Variants in ZNF483 observed in about 807,000 individuals in gnomAD.
ZNF483 encodes the protein zinc finger protein HIT-10.
Under a neutral mutation model 28.6 loss-of-function variants are expected in ZNF483, and 9 were observed. The ratio of observed to expected loss-of-function variants is 0.32; its 90% CI spans 0.19 to 0.55. The LOEUF (loss-of-function observed/expected upper bound fraction) is 0.55, where lower values mean the gene tolerates loss of function less well. Among genes scored for constraint, ZNF483 ranks in the 20% least tolerant of loss-of-function variants. The pLI is 0.93. For missense variants in ZNF483, 675 were observed against 871.7 expected, an observed-to-expected ratio of 0.77 and a Z score of 2.84; for synonymous variants, 322 against 306.2, an observed-to-expected ratio of 1.05 and a Z score of -0.54.
rs1405642520 is a variant in ZNF483, at chr9:111,552,221, A to T, written c.*9051A>T. Among the ~76,000 whole-genome samples the T allele has an allele frequency of 6.6e-6, 1 of 152,226 alleles. No individual in the cohort carries two copies. The highest frequency in any genetic ancestry group is 1.5e-5 in the Non-Finnish European group (1 of 68,034). ...GGATTTTCTAGTACAGGAAATCCTTATAAAATTCTTTTGTAAGTCATCCAG... is the reference window on the plus strand; with the variant it reads ...GGATTTTCTAGTACAGGAAATCCTTTTAAAATTCTTTTGTAAGTCATCCAG... On this transcript the variant is annotated 3_prime_UTR_variant, in exon 6 of 6. Transcript: ENST00000309235.
At chr9:111,538,493 G>GAA (rs11463840) in intron 5 of ZNF483, among the ~76,000 whole-genome samples, 124 of 140,888 alleles carry the variant, frequency 8.8e-4, no homozygotes, top group South Asian at 1.6e-3. Flanking sequence ...CCATCTCTTA[G>GAA]AAAAAAAAAA....
intron 5 of ZNF483, among the ~76,000 whole-genome samples, chr9:111,567,464 T>C (rs1261852768): frequency 3.3e-5 from 5 of 152,128 alleles, no homozygotes; most frequent in Admixed American, 6.5e-5. Flanking sequence ...GGATTACAAG[T>C]GTGAACCACC....
At chr9:111,568,853 G>A (rs990237708) in intron 5 of ZNF483, among the ~76,000 whole-genome samples, 10 of 152,198 alleles carry the variant, frequency 6.6e-5, no homozygotes, top group African/African-American at 2.4e-4. Context: ...CAGGCTAGAA[G>A]GCATGGTGCC....
In ZNF483 at chr9:111,563,537, G is replaced by A. The variant is rs151040007; in HGVS notation, c.722-12828G>A. On this transcript the variant is annotated intron_variant, in intron 5 of 5. Transcript: ENST00000358151. ...TTTTTTTTTTTTGAGACAGAGTCTC[G>A]CTCTGTTGCCCAGGCTGGAGTGCAG... is the stretch of plus-strand genomic sequence containing the variant. 362 of 184,262 alleles carry A rather than the reference G, an allele frequency of 2.0e-3. 2 individuals are homozygous for A. The highest frequency in any genetic ancestry group is 8.6e-3 in the African/African-American group (354 of 41,140). The allele number at this position is 184,262 out of a possible 1,614,324, so 11.4% of individuals were successfully genotyped here.
chr9:111,525,542 G>T (rs1827165473), intron 1 of ZNF483, among the ~76,000 whole-genome samples: 1 of 152,208 alleles, frequency 6.6e-6, no homozygotes, highest in Admixed American at 6.5e-5. Flanking sequence ...CGTTGTGGCA[G>T]GATGTTTAAC....
chr9:111,526,061 C>A (rs76331455), intron 1 of ZNF483, among the ~76,000 whole-genome samples: 6,603 of 152,106 alleles, frequency 0.043, 194 homozygotes, highest in Non-Finnish European at 0.066. Flanking sequence ...GTAGTTGCTC[C>A]GTCACTTATA....
chr9:111,541,555 A>C (rs1827670289), intron 5 of ZNF483, 102 bp from the exon 6 acceptor site: 6 of 898,948 alleles, frequency 6.7e-6, no homozygotes, highest in Non-Finnish European at 9.6e-6. Context: ...AACCATCGAA[A>C]CTATATTCCT....
At chr9:111,528,972 C>A (rs1368026285) in intron 2 of ZNF483, among the ~76,000 whole-genome samples, 1 of 152,012 alleles carries the variant, frequency 6.6e-6, no homozygotes, top group Non-Finnish European at 1.5e-5. Flanking sequence ...ATGGAGAAAC[C>A]CCGTCTCTAC....
rs746874289 is a variant in ZNF483, at chr9:111,534,214, TTACTC to T, written c.629-44_629-40del. The T allele has an allele frequency of 1.8e-5, 27 of 1,505,428 alleles. No individual in the cohort carries two copies. In the African/African-American group the frequency reaches 2.5e-4, roughly 14 times the overall value. The allele number at this position is 1,505,428 out of a possible 1,614,324, so 93.3% of individuals were successfully genotyped here. On this transcript the variant is annotated intron_variant, in intron 4 of 5. Coordinates refer to ENST00000309235, the MANE Select transcript of ZNF483 (RefSeq NM_133464.5). ...GCTATATGTGAATGCTGGGATATCT[TTACTC>T]TATGCAAAACAGCAATTTTCTGTTC...
At chr9:111,529,217 C>T (rs1336770655) in intron 2 of ZNF483, among the ~76,000 whole-genome samples, 5 of 151,844 alleles carry the variant, frequency 3.3e-5, no homozygotes, top group Admixed American at 1.3e-4. Flanking sequence ...TCTTTGATTA[C>T]GTAATTCTAA....
downstream of ZNF483, among the ~76,000 whole-genome samples, chr9:111,560,276 C>G (rs1354314486): frequency 6.6e-6 from 1 of 151,580 alleles, no homozygotes; most frequent in South Asian, 2.1e-4. Context: ...GTCAGGAGAT[C>G]GAGACCATCC....
chr9:111,540,936 G>T (rs919382155), intron 5 of ZNF483, among the ~76,000 whole-genome samples: 9 of 152,120 alleles, frequency 5.9e-5, no homozygotes, highest in Non-Finnish European at 8.8e-5. Context: ...TACTCCATAG[G>T]GTTGTTGTGA....
chr9:111,571,525 C>T (rs1828820285), intron 5 of ZNF483, among the ~76,000 whole-genome samples: 1 of 138,974 alleles, frequency 7.2e-6, no homozygotes, highest in African/African-American at 2.5e-5. Context: ...TTTCCCCAGG[C>T]TGGAGTAAAG....
intron 5 of ZNF483, among the ~76,000 whole-genome samples, chr9:111,540,450 G>A (rs144720919): frequency 1.4e-4 from 22 of 152,304 alleles, no homozygotes; most frequent in Middle Eastern, 3.4e-3. Flanking sequence ...TGAGAATAGC[G>A]TAATCAGTGA....
chr9:111,544,430 C>A lies in ZNF483; in HGVS notation c.*1260C>A. On this transcript the variant is annotated 3_prime_UTR_variant, in exon 6 of 6. Coordinates refer to ENST00000309235, the MANE Select transcript of ZNF483 (RefSeq NM_133464.5). Reference sequence around the variant, plus strand: ...ATTTCATACTAAAAACAAAGCTTGTCTTAAAAAAAATTATAAGGGCTAACA... The same window carrying A: ...ATTTCATACTAAAAACAAAGCTTGTATTAAAAAAAATTATAAGGGCTAACA... 1 of 938,006 alleles carries A rather than the reference C, an allele frequency of 1.1e-6. No homozygotes were observed. Among genetic ancestry groups the A allele is most frequent in the Non-Finnish European group, 1.3e-6 (1 of 787,018 alleles). 58.1% of individuals were successfully genotyped at this position (938,006 alleles called of 1,614,324 possible).
Position 111,541,852 on chromosome 9 carries a change from C to T in ZNF483, c.917C>T (p.Pro306Leu), listed in dbSNP as rs1827679718. 1.2e-6 allele frequency: 2 copies of T among 1,613,810 alleles called. No homozygotes were observed. The highest frequency in any genetic ancestry group is 1.7e-6 in the Non-Finnish European group (2 of 1,179,960). ...RGKKFDPDKS[P>L]FGHNFKETSD... is the part of the protein sequence containing the mutation. Reference sequence around the variant, plus strand: ...AAGAAATTTGACCCAGATAAAAGCCCCTTTGGACATAATTTCAAAGAAACT... The same window carrying T: ...AAGAAATTTGACCCAGATAAAAGCCTCTTTGGACATAATTTCAAAGAAACT... The change falls in exon 6 of 6, where the codon CCC becomes CTC. Residue 306 changes from proline (P) to leucine (L), a missense_variant. Physicochemically the swap from Pro to Leu is moderately conservative, Grantham distance 98. This residue lies in a region of ZNF483 where 525 missense variants were observed against 581.8 expected (regional missense o/e 0.90). Transcript: ENST00000309235.
At chr9:111,530,316 T>A (rs1219521126) in intron 2 of ZNF483, among the ~76,000 whole-genome samples, 1 of 152,214 alleles carries the variant, frequency 6.6e-6, no homozygotes, top group Non-Finnish European at 1.5e-5. Flanking sequence ...AGCAAGCCCC[T>A]TGCCCTATGC....
In ZNF483 at chr9:111,541,844, T is replaced by G; in HGVS notation, c.909T>G (p.Asp303Glu). 1 of 1,614,012 alleles carries G rather than the reference T, an allele frequency of 6.2e-7. No individual in the cohort carries two copies. Among genetic ancestry groups the G allele is most frequent in the Non-Finnish European group, 8.5e-7 (1 of 1,180,006 alleles). The change falls in exon 6 of 6, where the codon GAT (aspartate) becomes GAG (glutamate). Residue 303 changes from aspartate (D) to glutamate (E), a missense_variant. By Grantham distance (45) the Asp-to-Glu change is conservative (BLOSUM62 2). Around this residue, in one of 6 missense-constraint regions of ZNF483, gnomAD observed 525 missense variants for 581.8 expected, o/e 0.90. Coordinates refer to ENST00000309235, the MANE Select transcript of ZNF483 (RefSeq NM_133464.5). ...SGSRGKKFDP[D>E]KSPFGHNFKE... ...GTAGGGGTAAGAAATTTGACCCAGA[T>G]AAAAGCCCCTTTGGACATAATTTCA...
At chr9:111,561,108 T>TAGAGAGAGAGAGAGAGAG (rs1468727296) in intron 5 of ZNF483, among the ~76,000 whole-genome samples, 3 of 20,860 alleles carry the variant, frequency 1.4e-4, no homozygotes, top group African/African-American at 7.8e-4. Context: ...TATATATATA[T>TAGAGAGAGAGAGAGAGAG]ATAGAGAGAG....
Sources: allele counts gnomAD v4.1 joint callset (sites outside exome capture counted in the v4.1 genomes callset), GRCh38; gene constraint gnomAD v4.1.1; regional missense constraint gnomAD v4.1.1; transcripts MANE v1.5; gene names NCBI Gene and HGNC (gene_info 2026-07-23, HGNC 2026-07-21).